Variants in ATOH8 observed in about 807,000 individuals in gnomAD.
ATOH8 encodes atonal bHLH transcription factor 8, also known as transcription factor ATOH8.
Under a neutral mutation model 21.2 loss-of-function variants are expected in ATOH8, and 9 were observed. That is an observed-to-expected ratio of 0.42 (90% CI 0.26 to 0.74). The LOEUF (loss-of-function observed/expected upper bound fraction) is 0.74. Among genes scored for constraint, ATOH8 ranks in the 30% least tolerant of loss-of-function variants. The pLI is 0.24. For missense variants in ATOH8, 524 were observed against 470.9 expected, an observed-to-expected ratio of 1.11 and a Z score of -1.04; for synonymous variants, 253 against 224.0, an observed-to-expected ratio of 1.13 and a Z score of -1.16.
chr2:85,778,478 C>G (rs746714893), intron 2 of ATOH8, among the ~76,000 whole-genome samples: 1 of 152,154 alleles, frequency 6.6e-6, no homozygotes, highest in Non-Finnish European at 1.5e-5. Context: ...TTGCATGGAA[C>G]GCACACTGTT....
In ATOH8 at chr2:85,756,073, C is replaced by G. The variant is rs570198571; in HGVS notation, c.768+1116C>G. The stretch of plus-strand genomic sequence containing the variant: ...GTTGGGGTGGGGTGGGGCAGTAGTG[C>G]CTGTGTCCATCCATGGAAAGGAAAT... On this transcript the variant is annotated intron_variant, in intron 1 of 2. Transcript: ENST00000306279. Among the ~76,000 whole-genome samples the G allele has an allele frequency of 2.0e-5, 3 of 151,448 alleles. No homozygotes were observed. In the East Asian group the frequency reaches 5.8e-4, roughly 30 times the overall value.
intron 2 of ATOH8, among the ~76,000 whole-genome samples, chr2:85,782,242 T>C (rs1181888559): frequency 2.6e-5 from 4 of 152,220 alleles, no homozygotes; most frequent in Non-Finnish European, 5.9e-5. Flanking sequence ...CCTCCCTGCA[T>C]GTAGAAGGCT....
intron 1 of ATOH8, 35 bp downstream of exon 1, chr2:85,754,992 G>A (rs1679642440): frequency 6.5e-7 from 1 of 1,549,304 alleles, no homozygotes; most frequent in East Asian, 2.3e-5. Flanking sequence ...TCACTGCGCC[G>A]GGGGACGACT....
Position 85,754,639 on chromosome 2 carries a change from G to A in ATOH8, c.450G>A (p.Leu150=), listed in dbSNP as rs1445559684. The change falls in exon 1 of 3, where the codon CTG becomes CTA. Residue 150 remains leucine, a synonymous_variant. Coordinates refer to ENST00000306279, the MANE Select transcript of ATOH8 (RefSeq NM_032827.7). ...CACAGCCTTTCCGGGAGCCGGGTCTGCGTCCTCGCATCTTGCTGTGCGCAC... is the reference window on the plus strand; with the variant it reads ...CACAGCCTTTCCGGGAGCCGGGTCTACGTCCTCGCATCTTGCTGTGCGCAC... ...PEAQPFREPG[L]RPRILLCAPP... 2 of 1,516,328 alleles carry A rather than the reference G, an allele frequency of 1.3e-6. No homozygotes were observed. Among genetic ancestry groups the A allele is most frequent in the Non-Finnish European group, 1.8e-6 (2 of 1,136,734 alleles). The allele number at this position is 1,516,328 out of a possible 1,614,324, so 93.9% of individuals were successfully genotyped here.
Position 85,778,706 on chromosome 2 carries a change from C to T in ATOH8, c.961-8179C>T, listed in dbSNP as rs115739360. Among the ~76,000 whole-genome samples the T allele has an allele frequency of 5.2e-3, 792 of 152,220 alleles. 3 individuals are homozygous for T. Among genetic ancestry groups the T allele is most frequent in the African/African-American group, 0.018 (759 of 41,530 alleles). ...CCCATCAATCCCTGCTGTCACTTTGCGGTAAGGACTGGGGAGGGGAGGCGC... is the reference window on the plus strand; with the variant it reads ...CCCATCAATCCCTGCTGTCACTTTGTGGTAAGGACTGGGGAGGGGAGGCGC... On this transcript the variant is annotated intron_variant, in intron 2 of 2. Coordinates refer to ENST00000306279, the MANE Select transcript of ATOH8 (RefSeq NM_032827.7).
At chr2:85,781,963 C>T (rs999937931) in intron 2 of ATOH8, among the ~76,000 whole-genome samples, 3 of 152,104 alleles carry the variant, frequency 2.0e-5, no homozygotes, top group African/African-American at 7.2e-5. Context: ...CTCAGGGCCC[C>T]CCAGCTGACT....
At chr2:85,763,696 C>T (rs1324893411) in intron 1 of ATOH8, among the ~76,000 whole-genome samples, 1 of 152,174 alleles carries the variant, frequency 6.6e-6, no homozygotes, top group African/African-American at 2.4e-5. Context: ...GAGGACAGAG[C>T]TCTGTAGTGG....
intron 2 of ATOH8, among the ~76,000 whole-genome samples, chr2:85,775,913 T>C (rs1459667152): frequency 1.3e-5 from 2 of 152,194 alleles, no homozygotes; most frequent in Non-Finnish European, 1.5e-5. Flanking sequence ...CCCCACTTCT[T>C]TGAGCTTGCC....
intron 2 of ATOH8, chr2:85,775,179 C>T (rs1207181732): frequency 2.1e-6 from 2 of 958,802 alleles, no homozygotes; most frequent in African/African-American, 3.5e-5. Flanking sequence ...CTATGTTACA[C>T]AGTGTTGGAT....
intron 2 of ATOH8, chr2:85,781,182 C>CTATTCCCATGCAT: frequency 1.7e-6 from 1 of 599,762 alleles, no homozygotes; most frequent in Non-Finnish European, 2.1e-6. Context: ...TACGCATATG[C>CTATTCCCATGCAT]ATGGGAATAG....
chr2:85,756,209 C>T (rs1679690623), intron 1 of ATOH8, among the ~76,000 whole-genome samples: 1 of 151,998 alleles, frequency 6.6e-6, no homozygotes, highest in South Asian at 2.1e-4. Flanking sequence ...GGACGGGTGG[C>T]TGTCACAGAC....
intron 1 of ATOH8, among the ~76,000 whole-genome samples, chr2:85,760,592 A>G (rs1008161145): frequency 2.6e-5 from 4 of 152,256 alleles, no homozygotes; most frequent in African/African-American, 9.6e-5. Context: ...GGAAATTCCT[A>G]CATGCCTGAG....
In ATOH8 at chr2:85,754,818, C is replaced by T; in HGVS notation, c.629C>T (p.Pro210Leu). The T allele has an allele frequency of 6.2e-7, 1 of 1,612,864 alleles. No homozygotes were observed. The highest frequency in any genetic ancestry group is 8.5e-7 in the Non-Finnish European group (1 of 1,179,924). Residue 210 changes from proline to leucine, a missense_variant, in exon 1 of 3, where the codon CCT becomes CTT. Transcript: ENST00000306279. ...AACCACCAGGATTCCTCCGCGTCGCCTAGGAAACGACCGGGCGAAGCGACT... is the reference window on the plus strand; with the variant it reads ...AACCACCAGGATTCCTCCGCGTCGCTTAGGAAACGACCGGGCGAAGCGACT... ...YNNHQDSSAS[P>L]RKRPGEATAA...
intron 2 of ATOH8, chr2:85,781,144 C>T: frequency 1.1e-6 from 1 of 936,762 alleles, no homozygotes; most frequent in Non-Finnish European, 1.3e-6. Context: ...CAGCGTAATT[C>T]CACTTTTCGT....
chr2:85,762,431 C>T (rs1679894107), intron 1 of ATOH8, among the ~76,000 whole-genome samples: 1 of 152,182 alleles, frequency 6.6e-6, no homozygotes, highest in Admixed American at 6.5e-5. Flanking sequence ...TCACTCATTG[C>T]CTTAATCAAC....
At chr2:85,781,047 A>G (rs1469901483) in intron 2 of ATOH8, 51 of 987,940 alleles carry the variant, frequency 5.2e-5, no homozygotes, top group Non-Finnish European at 6.1e-5. Flanking sequence ...CCCTTGGAGA[A>G]GATGTGAAAG....
rs139320415 is a variant in ATOH8 at position 85,788,670 on chromosome 2, G to C, written c.*1780G>C. ...AGGAAAGGGGGATAGGAGGGGACCG[G>C]AGGCTGCAGCCATACAGGACACAGT... On this transcript the variant is annotated 3_prime_UTR_variant, in exon 3 of 3. Coordinates refer to ENST00000306279, the MANE Select transcript of ATOH8 (RefSeq NM_032827.7). 4.2e-3 allele frequency among the ~76,000 whole-genome samples: 639 copies of C among 152,336 alleles called. 6 individuals are homozygous for C. The highest frequency in any genetic ancestry group is 0.015 in the African/African-American group (616 of 41,576).
At chr2:85,777,854 C>T (rs1357525260) in intron 2 of ATOH8, among the ~76,000 whole-genome samples, 2 of 152,214 alleles carry the variant, frequency 1.3e-5, no homozygotes, top group Non-Finnish European at 2.9e-5. Flanking sequence ...GCAGTGGAAG[C>T]ATGAGGTAAG....
At chr2:85,770,198 G>A (rs1259905243) in intron 2 of ATOH8, among the ~76,000 whole-genome samples, 1 of 150,880 alleles carries the variant, frequency 6.6e-6, no homozygotes, top group Admixed American at 6.5e-5. Context: ...GTGGGGGACT[G>A]GTGTTGTCTG....
Sources: gnomAD v4.1 joint callset for allele counts (sites outside exome capture counted in the v4.1 genomes callset) on GRCh38, gnomAD v4.1.1 for gene constraint, MANE v1.5 for transcripts, NCBI Gene and HGNC (gene_info 2026-07-23, HGNC 2026-07-21) for gene names.